TSBP1: variants seen among roughly 807,000 people sequenced by gnomAD.
TSBP1 encodes the protein testis expressed basic protein 1.
In TSBP1, 56 loss-of-function variants were observed where a neutral mutation model predicts 68.8. The observed-to-expected ratio is 0.81, with a 90% confidence interval of 0.66 to 1.02. The LOEUF is 1.02. Among genes scored for constraint, TSBP1 ranks in the 50% least tolerant of loss-of-function variants. The pLI is 0.00. For synonymous variants in TSBP1, 171 were observed against 208.7 expected, an observed-to-expected ratio of 0.82 and a Z score of 1.56; for missense variants, 502 against 641.2, an observed-to-expected ratio of 0.78 and a Z score of 2.34.
chr6:32,356,194 T>C (rs1438101630), intron 6 of TSBP1, among the ~76,000 whole-genome samples: 1 of 152,176 alleles, frequency 6.6e-6, no homozygotes, highest in Admixed American at 6.5e-5. Context: ...TAAAAGTAAA[T>C]AGTAATATTG....
At position 32,335,387 on chromosome 6, in the gene TSBP1, T is replaced by C. The variant is rs375763605; in HGVS notation, c.472+50A>G. On this transcript the variant is annotated intron_variant, in intron 14 of 22. Transcript: ENST00000612031. This position sits in a 1 kb window ranked among gnomAD's most constrained non-coding sequence, Gnocchi z 5.5. Reference sequence around the variant, plus strand: ...TAATTGAAATAAAAATAGATTGATGTTCTAAGTAAAGTACTAAAAGGCATT... The same window carrying C: ...TAATTGAAATAAAAATAGATTGATGCTCTAAGTAAAGTACTAAAAGGCATT... 2.0e-5 allele frequency: 29 copies of C among 1,476,190 alleles called. No homozygotes were observed. The highest frequency in any genetic ancestry group is 2.6e-5 in the Non-Finnish European group (29 of 1,107,456). 91.4% of individuals were successfully genotyped at this position (1,476,190 alleles called of 1,614,324 possible).
Position 32,333,640 on chromosome 6 carries a change from G to A in TSBP1, c.473-1586C>T, listed in dbSNP as rs1260811655. On this transcript the variant is annotated intron_variant, in intron 14 of 22. Coordinates refer to ENST00000612031, the Ensembl canonical transcript of TSBP1. The surrounding 1 kb of genome is among the most constrained non-coding windows in gnomAD (Gnocchi z 4.2). Reference sequence around the variant, plus strand: ...GTACTACTCCCACAGCAGAGGGATAGCTGTTAATGCCCTTGCTGGCAAACT... The same window carrying A: ...GTACTACTCCCACAGCAGAGGGATAACTGTTAATGCCCTTGCTGGCAAACT... Among the ~76,000 whole-genome samples the A allele has an allele frequency of 6.6e-6, 1 of 152,220 alleles. No homozygotes were observed. The highest frequency in any genetic ancestry group is 2.4e-5 in the African/African-American group (1 of 41,456).
intron 14 of TSBP1, among the ~76,000 whole-genome samples, chr6:32,334,950 C>T (rs895535589): frequency 6.6e-6 from 1 of 152,136 alleles, no homozygotes; most frequent in Non-Finnish European, 1.5e-5. Flanking sequence ...AGGAGAACGG[C>T]TTGAACCCAC....
rs189553259 is a variant in TSBP1, at chr6:32,369,456, C to T, written c.100+441G>A. On this transcript the variant is annotated intron_variant, in intron 2 of 22. Transcript: ENST00000612031. ...CGTGATCTCGGCTCACTGCAACCTC[C>T]GTCTCCTGGGTTCAAACAATTCTCC... Among the ~76,000 whole-genome samples the T allele has an allele frequency of 2.8e-3, 412 of 149,078 alleles. 4 individuals carry two copies. Among genetic ancestry groups the T allele is most frequent in the Admixed American group, 7.5e-3 (111 of 14,826 alleles).
chr6:32,355,231 C>G lies in TSBP1; in HGVS notation c.239-87G>C, dbSNP rs921516033. 5.1e-6 allele frequency: 7 copies of G among 1,370,018 alleles called. No homozygotes were observed. In the Admixed American group the frequency reaches 8.5e-5, roughly 17 times the overall value. The allele number at this position is 1,370,018 out of a possible 1,614,324, so 84.9% of individuals were successfully genotyped here. ...ATATCAGCTTCAGTTGCTGTCACCC[C>G]CTTCTCAGGAGTTAAAGTCTAGGCC... On this transcript the variant is annotated intron_variant, in intron 7 of 22. Coordinates refer to ENST00000612031, the Ensembl canonical transcript of TSBP1.
At chr6:32,323,955 A>G (rs1256883491) in intron 16 of TSBP1, 1 of 301,182 alleles carries the variant, frequency 3.3e-6, no homozygotes, top group Non-Finnish European at 6.2e-6. Context: ...CAACTAGACC[A>G]GAAACAATTA....
chr6:32,355,539 C>T, intron 7 of TSBP1, 110 bp downstream of exon 7: 1 of 1,382,592 alleles, frequency 7.2e-7, no homozygotes, highest in Admixed American at 2.1e-5. Context: ...GCTTAGTATT[C>T]ATATGACTTG....
At chr6:32,322,707 G>A (rs919876377) in intron 18 of TSBP1, among the ~76,000 whole-genome samples, 4 of 152,270 alleles carry the variant, frequency 2.6e-5, no homozygotes, top group East Asian at 1.9e-4. Context: ...CAGTGATGAT[G>A]TAATGACGAA....
Position 32,336,322 on chromosome 6 carries a change from G to A in TSBP1, c.430+293C>T, listed in dbSNP as rs1051312156. On this transcript the variant is annotated intron_variant, in intron 12 of 22. Coordinates refer to ENST00000612031, the Ensembl canonical transcript of TSBP1. The surrounding 1 kb of genome is among the most constrained non-coding windows in gnomAD (Gnocchi z 5.2). ...TGACTATTTCTAAGAGGGCTGTTTT[G>A]GTTTATATTTTTAAATGTTAGCCTG... Among the ~76,000 whole-genome samples the A allele has an allele frequency of 6.6e-6, 1 of 152,062 alleles. No individual in the cohort carries two copies. The highest frequency in any genetic ancestry group is 1.5e-5 in the Non-Finnish European group (1 of 68,022).
In TSBP1 at chr6:32,333,083, A is replaced by G. The variant is rs1769243861; in HGVS notation, c.473-1029T>C. Among the ~76,000 whole-genome samples the G allele has an allele frequency of 2.0e-5, 3 of 151,758 alleles. No homozygotes were observed. The highest frequency in any genetic ancestry group is 2.9e-5 in the Non-Finnish European group (2 of 67,978). On this transcript the variant is annotated intron_variant, in intron 14 of 22. Coordinates refer to ENST00000612031, the Ensembl canonical transcript of TSBP1. The surrounding 1 kb of genome is among the most constrained non-coding windows in gnomAD (Gnocchi z 4.2). The stretch of plus-strand genomic sequence containing the variant: ...GAATGCAGTGGCATGATCTCGGCTC[A>G]CTGCAACCTCTGCCTCCTGGGTTCA...
Position 32,336,772 on chromosome 6 carries a change from G to A in TSBP1, c.410-137C>T, listed in dbSNP as rs1769728934. 1.4e-6 allele frequency: 1 copy of A among 706,098 alleles called. No individual in the cohort carries two copies. The highest frequency in any genetic ancestry group is 2.3e-5 in the Admixed American group (1 of 43,304). The allele number at this position is 706,098 out of a possible 1,614,324, so 43.7% of individuals were successfully genotyped here. A position where few individuals can be genotyped will look rare whatever the true frequency, so the allele number is the denominator to read the frequency against. On this transcript the variant is annotated intron_variant, in intron 11 of 22. Coordinates refer to ENST00000612031, the Ensembl canonical transcript of TSBP1. This position sits in a 1 kb window ranked among gnomAD's most constrained non-coding sequence, Gnocchi z 5.2. ...GTGGGACTGCAGATGATCTTAGCCT[G>A]GAAGCTGCATAACCCTCCTACCAGA...
chr6:32,313,223 C>T (rs2127577943), intron 19 of TSBP1, among the ~76,000 whole-genome samples: 1 of 151,902 alleles, frequency 6.6e-6, no homozygotes, highest in Admixed American at 6.6e-5. Context: ...TAGTCTGTTA[C>T]TCTTCTTATT....
chr6:32,298,802 G>A (rs116297034), intron 22 of TSBP1, among the ~76,000 whole-genome samples: 7,016 of 150,012 alleles, frequency 0.047, 367 homozygotes, highest in African/African-American at 0.13. Flanking sequence ...TTGATCATAT[G>A]TTTACAGAAT....
At chr6:32,356,703 G>C (rs1772379682) in intron 6 of TSBP1, 1 of 152,044 alleles carries the variant, frequency 6.6e-6, no homozygotes, top group African/African-American at 2.5e-5. Context: ...CTGGCCCACA[G>C]AGCAAGACTC....
chr6:32,320,850 T>G (rs1262316297), intron 18 of TSBP1, among the ~76,000 whole-genome samples: 1 of 152,106 alleles, frequency 6.6e-6, no homozygotes, highest in East Asian at 1.9e-4. Context: ...CTCCACCCTC[T>G]GACAGGCCCC....
At chr6:32,326,483 C>T (rs549115406) in intron 16 of TSBP1, among the ~76,000 whole-genome samples, 3 of 151,666 alleles carry the variant, frequency 2.0e-5, no homozygotes, top group African/African-American at 7.3e-5. Flanking sequence ...ATAGTCTGAT[C>T]GTGACACTGA....
At position 32,311,526 on chromosome 6, in the gene TSBP1, A is replaced by G. The variant is rs560310094; in HGVS notation, c.580+4246T>C. ...TTGCCAGCTCCATAATTAAAAGGGA[A>G]AGGATTCTTGAGGCTGTGCAGTGCA... is the stretch of plus-strand genomic sequence containing the variant. On this transcript the variant is annotated intron_variant, in intron 19 of 22. Coordinates refer to ENST00000612031, the Ensembl canonical transcript of TSBP1. Among the ~76,000 whole-genome samples the G allele has an allele frequency of 2.6e-5, 4 of 152,280 alleles. No homozygotes were observed. The East Asian group carries it at 7.7e-4, about 29-fold the overall frequency.
At chr6:32,324,129 AT>A (rs1440821290) in intron 16 of TSBP1, among the ~76,000 whole-genome samples, 1 of 152,162 alleles carries the variant, frequency 6.6e-6, no homozygotes, top group Non-Finnish European at 1.5e-5. Flanking sequence ...TGAGAGAATG[AT>A]GTGTCACATG....
At chr6:32,355,737 A>C in intron 6 of TSBP1, 68 bp from the exon 7 acceptor site, 3 of 1,538,528 alleles carry the variant, frequency 1.9e-6, no homozygotes, top group Non-Finnish European at 2.6e-6. Context: ...TGGTATCACT[A>C]CAGAGGATTA....
Sources: allele counts gnomAD v4.1 joint callset (sites outside exome capture counted in the v4.1 genomes callset), GRCh38; gene constraint gnomAD v4.1.1; non-coding constraint Gnocchi (gnomAD v3.1); transcripts MANE v1.5; gene names NCBI Gene and HGNC (gene_info 2026-07-23, HGNC 2026-07-21).